Variants in THSD7A observed in about 807,000 individuals in gnomAD.
THSD7A encodes the protein thrombospondin type-1 domain-containing protein 7A.
In THSD7A, 96 loss-of-function variants were observed where a neutral mutation model predicts 231.3. That is an observed-to-expected ratio of 0.41 (90% CI 0.35 to 0.49). The LOEUF is 0.49. Among genes scored for constraint, THSD7A ranks in the 20% least tolerant of loss-of-function variants. The pLI is 0.05. For synonymous variants in THSD7A, 940 were observed against 743.3 expected (o/e 1.26, Z -4.30); for missense variants, 2,290 against 2,070.2 (o/e 1.11, Z -2.06).
chr7:11,525,503 A>G (rs747322670), intron 6 of THSD7A, among the ~76,000 whole-genome samples: 2 of 152,154 alleles, frequency 1.3e-5, no homozygotes, highest in Non-Finnish European at 2.9e-5. Context: ...ATACAACTAT[A>G]CTATTCAACT....
intron 8 of THSD7A, among the ~76,000 whole-genome samples, chr7:11,471,851 T>G (rs186159659): frequency 3.3e-4 from 50 of 152,240 alleles, no homozygotes; most frequent in Admixed American, 5.9e-4. Context: ...CTTTTGGAAC[T>G]ATGAAATTAT....
intron 16 of THSD7A, among the ~76,000 whole-genome samples, chr7:11,420,770 G>T (rs1784117496): frequency 6.6e-6 from 1 of 152,186 alleles, no homozygotes; most frequent in African/African-American, 2.4e-5. Context: ...GCAGCCTTGG[G>T]GGCTGTACCC....
intron 1 of THSD7A, among the ~76,000 whole-genome samples, chr7:11,810,326 G>A (rs1784498495): frequency 6.6e-6 from 1 of 152,096 alleles, no homozygotes; most frequent in East Asian, 1.9e-4. Context: ...TCCTTTGGAG[G>A]CCAGTACAAA....
In THSD7A at chr7:11,377,592, C is replaced by T. The variant is rs1001577256; in HGVS notation, c.4802-935G>A. Among the ~76,000 whole-genome samples the T allele has an allele frequency of 6.6e-6, 1 of 152,040 alleles. No homozygotes were observed. The highest frequency in any genetic ancestry group is 1.5e-5 in the Non-Finnish European group (1 of 67,970). ...CCGGAGTTAGATCAAGTTAGAGGTT[C>T]ATTTGCTGGGAATAAACTCAATTAA... On this transcript the variant is annotated intron_variant, in intron 26 of 27. Coordinates refer to ENST00000423059, the MANE Select transcript of THSD7A (RefSeq NM_015204.3). This position sits in a 1 kb window ranked among gnomAD's most constrained non-coding sequence, Gnocchi z 4.5.
At chr7:11,647,235 G>T (rs1048655245) in intron 1 of THSD7A, among the ~76,000 whole-genome samples, 1 of 151,974 alleles carries the variant, frequency 6.6e-6, no homozygotes, top group African/African-American at 2.4e-5. Context: ...GCAAGTATAG[G>T]TTTTTCCCTC....
At chr7:11,769,122 AATATATATATATATATATAT>A (rs1219135740) in intron 1 of THSD7A, among the ~76,000 whole-genome samples, 1 of 35,886 alleles carries the variant, frequency 2.8e-5, no homozygotes, top group Non-Finnish European at 5.3e-5. Context: ...AATTCCTGGC[AATATATATATATATATATAT>A]ATATATATAT....
chr7:11,513,864 C>T (rs1268970707), intron 6 of THSD7A, among the ~76,000 whole-genome samples: 1 of 151,638 alleles, frequency 6.6e-6, no homozygotes. Flanking sequence ...GATATGACAA[C>T]CTGATACATT....
intron 1 of THSD7A, among the ~76,000 whole-genome samples, chr7:11,803,574 G>T (rs550895911): frequency 1.8e-4 from 28 of 152,182 alleles, no homozygotes; most frequent in African/African-American, 6.7e-4. Flanking sequence ...TCAGCATTTT[G>T]CTTTGGGCAC....
chr7:11,601,695 T>C (rs981044670), intron 2 of THSD7A, among the ~76,000 whole-genome samples: 1 of 152,170 alleles, frequency 6.6e-6, no homozygotes, highest in Non-Finnish European at 1.5e-5. Context: ...TCCTGTTCTG[T>C]GTCCTTCTAA....
At chr7:11,388,591 C>T (rs1782857486) in intron 23 of THSD7A, among the ~76,000 whole-genome samples, 1 of 151,910 alleles carries the variant, frequency 6.6e-6, no homozygotes, top group Non-Finnish European at 1.5e-5. Flanking sequence ...TTTCTTCTTT[C>T]TTCGTCTGGC....
At chr7:11,581,943 T>A (rs778782688) in intron 4 of THSD7A, among the ~76,000 whole-genome samples, 1 of 152,144 alleles carries the variant, frequency 6.6e-6, no homozygotes, top group Non-Finnish European at 1.5e-5. Context: ...GGTGACTGTT[T>A]GGACTCAATA....
chr7:11,656,690 G>C (rs970474039), intron 1 of THSD7A, among the ~76,000 whole-genome samples: 1 of 151,722 alleles, frequency 6.6e-6, no homozygotes, highest in Non-Finnish European at 1.5e-5. Context: ...AAAATATTAT[G>C]TGTGTCTAGA....
intron 2 of THSD7A, among the ~76,000 whole-genome samples, chr7:11,621,520 T>A: frequency 6.6e-6 from 1 of 152,138 alleles, no homozygotes; most frequent in East Asian, 1.9e-4. Context: ...TACCTTACTT[T>A]TTTTCTCTGA....
intron 4 of THSD7A, among the ~76,000 whole-genome samples, chr7:11,588,579 C>A (rs915391085): frequency 1.1e-4 from 17 of 152,036 alleles, no homozygotes; most frequent in African/African-American, 3.9e-4. Context: ...TTTTCTGTGA[C>A]TGTTTTTGGT....
intron 4 of THSD7A, among the ~76,000 whole-genome samples, chr7:11,582,988 C>T (rs1189701683): frequency 6.6e-6 from 1 of 151,804 alleles, no homozygotes; most frequent in African/African-American, 2.4e-5. Flanking sequence ...ATATTCTGAA[C>T]CTTCTTGTCA....
intron 4 of THSD7A, among the ~76,000 whole-genome samples, chr7:11,546,846 T>G (rs1208810764): frequency 6.6e-6 from 1 of 152,166 alleles, no homozygotes; most frequent in Non-Finnish European, 1.5e-5. Flanking sequence ...GAAATAGCTT[T>G]TTTAAGAAAA....
intron 4 of THSD7A, among the ~76,000 whole-genome samples, chr7:11,571,310 T>C (rs1301033026): frequency 6.6e-6 from 1 of 152,198 alleles, no homozygotes; most frequent in Non-Finnish European, 1.5e-5. Context: ...CTGAGGAACA[T>C]GATGTTCTCA....
intron 9 of THSD7A, among the ~76,000 whole-genome samples, chr7:11,468,388 T>TAA (rs879316312): frequency 7.1e-6 from 1 of 140,358 alleles, no homozygotes; most frequent in Non-Finnish European, 1.6e-5. Flanking sequence ...TTATTCAGCT[T>TAA]AAAAAAAAAA....
At chr7:11,503,172 T>A (rs3919472) in intron 6 of THSD7A, among the ~76,000 whole-genome samples, 4 of 152,078 alleles carry the variant, frequency 2.6e-5, no homozygotes, top group African/African-American at 9.7e-5. Context: ...TCTACGACCA[T>A]CTGATCTTTG....
Sources: allele counts gnomAD v4.1 joint callset (sites outside exome capture counted in the v4.1 genomes callset), GRCh38; gene constraint gnomAD v4.1.1; non-coding constraint Gnocchi (gnomAD v3.1); transcripts MANE v1.5; gene names NCBI Gene and HGNC (gene_info 2026-07-23, HGNC 2026-07-21).